CTNNA3: variants seen among roughly 807,000 people sequenced by gnomAD.
The protein encoded by CTNNA3 is catenin alpha-3.
In CTNNA3, 76 loss-of-function variants were observed where a neutral mutation model predicts 95.7. That is an observed-to-expected ratio of 0.79 (90% confidence interval 0.66 to 0.96). CTNNA3 has a LOEUF of 0.96. CTNNA3 is among the 40% of genes least tolerant of loss of function. CTNNA3 has a pLI of 0.00. For synonymous variants in CTNNA3, 431 were observed against 374.4 expected (o/e 1.15, Z -1.74); for missense variants, 1,191 against 1,089.8 (o/e 1.09, Z -1.31).
At chr10:67,593,055 TG>T (rs142879134) in intron 3 of CTNNA3, among the ~76,000 whole-genome samples, 3,317 of 152,286 alleles carry the variant, frequency 0.022, 130 homozygotes, top group African/African-American at 0.076. Flanking sequence ...CAAGTATAAG[TG>T]AGAAGATGTG....
intron 1 of CTNNA3, among the ~76,000 whole-genome samples, chr10:67,702,311 A>G (rs1564836417): frequency 6.6e-6 from 1 of 152,138 alleles, no homozygotes; most frequent in East Asian, 1.9e-4. Context: ...ACCCCAAATC[A>G]ACAGAATATA....
intron 15 of CTNNA3, among the ~76,000 whole-genome samples, chr10:66,032,769 G>T (rs2079473748): frequency 6.6e-6 from 1 of 152,114 alleles, no homozygotes; most frequent in South Asian, 2.1e-4. Context: ...ATATAAACAT[G>T]AAGATACTAT....
chr10:66,438,971 C>A (rs2093357397), intron 11 of CTNNA3, among the ~76,000 whole-genome samples: 1 of 152,148 alleles, frequency 6.6e-6, no homozygotes, highest in Non-Finnish European at 1.5e-5. Context: ...CTTACACTTC[C>A]CGGGTGAGGT....
At chr10:66,543,911 GTATATATATATATATATATA>G (rs1198925758) in intron 10 of CTNNA3, among the ~76,000 whole-genome samples, 9 of 16,230 alleles carry the variant, frequency 5.5e-4, no homozygotes, top group African/African-American at 1.4e-3. Flanking sequence ...GTGTGTGTGT[GTATATATATATATATATATA>G]TATATATATA....
chr10:66,294,842 T>A (rs991808978), intron 12 of CTNNA3, among the ~76,000 whole-genome samples: 2 of 151,538 alleles, frequency 1.3e-5, no homozygotes, highest in African/African-American at 4.9e-5. Flanking sequence ...TCACGTTGAG[T>A]TTCAGGTAAG....
At chr10:67,737,654 A>G (rs552170565) in intron 1 of CTNNA3, among the ~76,000 whole-genome samples, 1 of 152,238 alleles carries the variant, frequency 6.6e-6, no homozygotes, top group Non-Finnish European at 1.5e-5. Flanking sequence ...ACATGAAAAA[A>G]TGCTCATCAT....
At chr10:66,515,265 A>ATACCTATCTATC (rs1840800925) in intron 11 of CTNNA3, among the ~76,000 whole-genome samples, 1 of 145,914 alleles carries the variant, frequency 6.9e-6, no homozygotes, top group Non-Finnish European at 1.5e-5. Context: ...CTTATTCCCT[A>ATACCTATCTATC]TATCTATCTA....
At chr10:66,259,721 A>T (rs762364118) in intron 13 of CTNNA3, among the ~76,000 whole-genome samples, 1 of 152,150 alleles carries the variant, frequency 6.6e-6, no homozygotes, top group Non-Finnish European at 1.5e-5. Context: ...TCTCTGCTGC[A>T]ATCTCCAGTG....
At chr10:66,945,026 G>T (rs1848208490) in intron 7 of CTNNA3, among the ~76,000 whole-genome samples, 1 of 152,046 alleles carries the variant, frequency 6.6e-6, no homozygotes, top group Admixed American at 6.6e-5. Flanking sequence ...ATTCTTAAGG[G>T]CCCCAGGATT....
At chr10:66,899,134 G>T (rs1845617132) in intron 7 of CTNNA3, among the ~76,000 whole-genome samples, 1 of 152,112 alleles carries the variant, frequency 6.6e-6, no homozygotes, top group Non-Finnish European at 1.5e-5. Flanking sequence ...AACTATAAGG[G>T]AAATGCAAAT....
chr10:66,125,911 A>G (rs1328626381), intron 13 of CTNNA3, among the ~76,000 whole-genome samples: 1 of 152,202 alleles, frequency 6.6e-6, no homozygotes, highest in East Asian at 1.9e-4. Flanking sequence ...AATTTTGTAT[A>G]TATTAATGGT....
intron 5 of CTNNA3, among the ~76,000 whole-genome samples, chr10:67,386,397 C>A (rs1844163261): frequency 6.6e-6 from 1 of 152,124 alleles, no homozygotes; most frequent in Non-Finnish European, 1.5e-5. Flanking sequence ...CTACTCACCC[C>A]CTCCATGTCC....
At chr10:66,633,191 G>A (rs987955043) in intron 9 of CTNNA3, among the ~76,000 whole-genome samples, 22 of 152,140 alleles carry the variant, frequency 1.4e-4, no homozygotes, top group Non-Finnish European at 3.1e-4. Flanking sequence ...ACTTGCATAT[G>A]TGAACAGACT....
At chr10:66,765,720 G>A (rs567604467) in intron 9 of CTNNA3, among the ~76,000 whole-genome samples, 207 of 152,106 alleles carry the variant, frequency 1.4e-3, no homozygotes, top group African/African-American at 5.0e-3. Context: ...AAAAATCATG[G>A]TGCATTCCCA....
intron 5 of CTNNA3, among the ~76,000 whole-genome samples, chr10:67,511,535 G>A (rs998268787): frequency 1.9e-4 from 29 of 152,162 alleles, no homozygotes; most frequent in Non-Finnish European, 8.8e-5. Flanking sequence ...TTGCATCCCA[G>A]GGATGAAGCC....
chr10:66,307,851 A>G (rs940702580), intron 12 of CTNNA3, among the ~76,000 whole-genome samples: 12 of 152,180 alleles, frequency 7.9e-5, no homozygotes, highest in African/African-American at 2.9e-4. Flanking sequence ...ACTAACTGAG[A>G]CTGAACTTGC....
intron 13 of CTNNA3, among the ~76,000 whole-genome samples, chr10:66,272,328 TA>T (rs1263183614): frequency 6.6e-6 from 1 of 152,116 alleles, no homozygotes; most frequent in Non-Finnish European, 1.5e-5. Context: ...GAAATCTGCC[TA>T]ACACTGAAAA....
intron 13 of CTNNA3, among the ~76,000 whole-genome samples, chr10:66,104,448 T>A (rs888409738): frequency 1.3e-5 from 2 of 152,116 alleles, no homozygotes; most frequent in African/African-American, 4.8e-5. Context: ...CTTAATATAT[T>A]TTTTTTATTT....
intron 10 of CTNNA3, among the ~76,000 whole-genome samples, chr10:66,602,539 T>C (rs1314983055): frequency 6.6e-6 from 1 of 151,946 alleles, no homozygotes; most frequent in Non-Finnish European, 1.5e-5. Context: ...CTTTAGAAAA[T>C]GCTGCTAGAA....
Sources: gnomAD v4.1 joint callset for allele counts (sites outside exome capture counted in the v4.1 genomes callset) on GRCh38, gnomAD v4.1.1 for gene constraint, MANE v1.5 for transcripts, NCBI Gene and HGNC (gene_info 2026-07-23, HGNC 2026-07-21) for gene names.